FRMD6: variants seen among roughly 807,000 people sequenced by gnomAD.
The protein encoded by FRMD6 is FERM domain-containing protein 6.
FRMD6 carries 37 observed loss-of-function variants against 73.2 expected under a neutral mutation model. The ratio of observed to expected loss-of-function variants is 0.51; its 90% CI spans 0.39 to 0.66. FRMD6 has a LOEUF of 0.66. Ranked by LOEUF, FRMD6 falls within the 30% of genes least tolerant of loss-of-function variation. The pLI is 0.00. For missense variants in FRMD6, 714 were observed against 780.5 expected, an observed-to-expected ratio of 0.91 and a Z score of 1.02; for synonymous variants, 273 against 282.2, an observed-to-expected ratio of 0.97 and a Z score of 0.33.
chr14:51,535,169 T>C (rs545914838), intron 1 of FRMD6, among the ~76,000 whole-genome samples: 1 of 152,310 alleles, frequency 6.6e-6, no homozygotes, highest in South Asian at 2.1e-4. Context: ...CTCAAACCTT[T>C]CTAGCCCCAC....
intron 2 of FRMD6, among the ~76,000 whole-genome samples, chr14:51,626,789 A>G (rs1290098180): frequency 3.3e-5 from 5 of 152,214 alleles, no homozygotes; most frequent in Admixed American, 6.5e-5. Flanking sequence ...TTTCTCATCT[A>G]CAAAATAGAG....
At chr14:51,514,914 G>A (rs1884533559) in intron 1 of FRMD6, among the ~76,000 whole-genome samples, 2 of 152,214 alleles carry the variant, frequency 1.3e-5, no homozygotes, top group African/African-American at 4.8e-5. Context: ...ATGCAAAATA[G>A]ATTGAGAAGG....
the FRMD6 span, among the ~76,000 whole-genome samples, chr14:51,440,820 C>A: frequency 6.6e-6 from 1 of 152,204 alleles, no homozygotes; most frequent in Non-Finnish European, 1.5e-5. Flanking sequence ...ATCAGCCTAA[C>A]AACTCAATCA....
chr14:51,398,045 C>G, the FRMD6 span, among the ~76,000 whole-genome samples: 38 of 152,096 alleles, frequency 2.5e-4, no homozygotes, highest in East Asian at 6.9e-3. Context: ...ACATAGACAA[C>G]AATTTTTTTG....
At chr14:51,554,677 G>A (rs924324819) in intron 1 of FRMD6, 1 of 152,178 alleles carries the variant, frequency 6.6e-6, no homozygotes, top group African/African-American at 2.4e-5. Context: ...TGGTACTCCC[G>A]AAATTGACTG....
chr14:51,403,574 G>A, the FRMD6 span, among the ~76,000 whole-genome samples: 2 of 151,906 alleles, frequency 1.3e-5, no homozygotes, highest in African/African-American at 4.8e-5. Context: ...CTAATTTTTT[G>A]TATTTTTTGT....
intron 1 of FRMD6, among the ~76,000 whole-genome samples, chr14:51,504,823 G>A (rs904647843): frequency 6.6e-6 from 1 of 152,164 alleles, no homozygotes; most frequent in African/African-American, 2.4e-5. Flanking sequence ...GAACAGAGTG[G>A]GCTACAGTTG....
In FRMD6 at chr14:51,677,155, G is replaced by T. The variant is rs538031643; in HGVS notation, c.-146-12536G>T. ...CAGTGGGCCTTTGCGTTTCTAGCTT[G>T]TACATTTCCTTGTTGTTAGGAGCCA... On this transcript the variant is annotated intron_variant, in intron 1 of 13. Transcript: ENST00000344768. Among the ~76,000 whole-genome samples, 86 of 151,900 alleles carry T rather than the reference G, an allele frequency of 5.7e-4. 1 individual carries two copies. Among genetic ancestry groups the T allele is most frequent in the Non-Finnish European group, 1.0e-3 (69 of 67,968 alleles).
chr14:51,509,780 C>T (rs1163297813), intron 1 of FRMD6, among the ~76,000 whole-genome samples: 21 of 151,972 alleles, frequency 1.4e-4, no homozygotes, highest in Admixed American at 1.4e-3. Context: ...GCACCTGCCA[C>T]CACGCCCGGC....
At chr14:51,498,824 G>A (rs900945073) in intron 1 of FRMD6, among the ~76,000 whole-genome samples, 6 of 152,120 alleles carry the variant, frequency 3.9e-5, no homozygotes, top group Admixed American at 1.3e-4. Context: ...TGATGAGTTG[G>A]GGAATAATTA....
chr14:51,695,056 G>C (rs1487314886), intron 2 of FRMD6, among the ~76,000 whole-genome samples: 1 of 151,624 alleles, frequency 6.6e-6, no homozygotes, highest in Non-Finnish European at 1.5e-5. Context: ...AATATATAAC[G>C]TTATTTGGTC....
At chr14:51,696,188 A>G (rs1347278036) in intron 2 of FRMD6, among the ~76,000 whole-genome samples, 1 of 151,478 alleles carries the variant, frequency 6.6e-6, no homozygotes, top group African/African-American at 2.4e-5. Flanking sequence ...TGCCTTTGCC[A>G]CTATTAGTGA....
intron 1 of FRMD6, among the ~76,000 whole-genome samples, chr14:51,553,645 G>A (rs998743506): frequency 6.6e-6 from 1 of 152,150 alleles, no homozygotes. Context: ...CCTGCCTAGA[G>A]GTAGGAAAGG....
chr14:51,715,847 T>A (rs1369065815), intron 10 of FRMD6, among the ~76,000 whole-genome samples: 1 of 152,248 alleles, frequency 6.6e-6, no homozygotes, highest in African/African-American at 2.4e-5. Context: ...ATCTGCATTT[T>A]AGAGCTTTGT....
chr14:51,581,120 C>T (rs1248038268), intron 2 of FRMD6, among the ~76,000 whole-genome samples: 1 of 152,226 alleles, frequency 6.6e-6, no homozygotes, highest in African/African-American at 2.4e-5. Context: ...GCAGCCTCCT[C>T]TGCCACCATG....
chr14:51,715,621 G>GA, intron 10 of FRMD6, 122 bp downstream of exon 10: 1 of 715,208 alleles, frequency 1.4e-6, no homozygotes. Context: ...TCCAGATTGA[G>GA]AGCAGCATTA....
chr14:51,579,525 T>A (rs569451007), intron 2 of FRMD6, among the ~76,000 whole-genome samples: 11 of 152,342 alleles, frequency 7.2e-5, no homozygotes, highest in African/African-American at 2.6e-4. Flanking sequence ...TGTGTTTATT[T>A]GTTTACTTTA....
intron 2 of FRMD6, among the ~76,000 whole-genome samples, chr14:51,579,731 T>G (rs1408010580): frequency 6.6e-6 from 1 of 152,142 alleles, no homozygotes; most frequent in African/African-American, 2.4e-5. Flanking sequence ...TGCCAGTGTA[T>G]TCCTCCTCTC....
chr14:51,576,050 G>A (rs1888386076), intron 2 of FRMD6: 1 of 152,336 alleles, frequency 6.6e-6, no homozygotes, highest in Non-Finnish European at 1.5e-5. Context: ...CAGACCTGAG[G>A]CAAAGGGCAG....
Sources: gnomAD v4.1 joint callset for allele counts (sites outside exome capture counted in the v4.1 genomes callset) on GRCh38, gnomAD v4.1.1 for gene constraint, MANE v1.5 for transcripts, NCBI Gene and HGNC (gene_info 2026-07-23, HGNC 2026-07-21) for gene names.